The following LANCL2 variants were observed in gnomAD, a reference collection of about 807,000 sequenced individuals.
LANCL2 encodes LanC like glutathione S-transferase 2.
In LANCL2, 33 loss-of-function variants were observed where a neutral mutation model predicts 56.9. The ratio of observed to expected loss-of-function variants is 0.58; its 90% CI spans 0.44 to 0.78. The LOEUF is 0.78. Ranked by LOEUF, LANCL2 falls within the 30% of genes least tolerant of loss-of-function variation. The probability of loss-of-function intolerance (pLI) is 0.00; values close to 1 mark genes in which losing one functional copy is unlikely to be tolerated. For synonymous variants in LANCL2, 233 were observed against 228.2 expected (o/e 1.02, Z -0.19); for missense variants, 562 against 580.2 (o/e 0.97, Z 0.32).
chr7:55,428,189 C>T (rs565468727), intron 7 of LANCL2, 186 bp from the exon 8 acceptor site: 1 of 609,318 alleles, frequency 1.6e-6, no homozygotes. Context: ...GCTGAGGCAG[C>T]CGCAAGCAGA....
chr7:55,430,272 A>G (rs1268353121), intron 8 of LANCL2, among the ~76,000 whole-genome samples: 1 of 152,260 alleles, frequency 6.6e-6, no homozygotes, highest in East Asian at 1.9e-4. Context: ...TGGGTAAACA[A>G]TCTGCAGTGT....
intron 2 of LANCL2, 109 bp downstream of exon 2, chr7:55,392,019 A>T: frequency 3.2e-6 from 2 of 622,536 alleles, no homozygotes; most frequent in Non-Finnish European, 5.7e-6. Context: ...TTGGCCAGGC[A>T]CGGTGGCTGA....
At chr7:55,380,592 T>C (rs1463510478) in intron 1 of LANCL2, among the ~76,000 whole-genome samples, 3 of 152,184 alleles carry the variant, frequency 2.0e-5, no homozygotes, top group Non-Finnish European at 4.4e-5. Context: ...GTTTTTTGTA[T>C]TATGTCCAGA....
At chr7:55,391,014 CTT>C (rs576740411) in intron 1 of LANCL2, among the ~76,000 whole-genome samples, 71 of 113,712 alleles carry the variant, frequency 6.2e-4, no homozygotes, top group Middle Eastern at 9.2e-3. Flanking sequence ...AGTGATTGAA[CTT>C]TTTTTTTTTT....
intron 1 of LANCL2, among the ~76,000 whole-genome samples, chr7:55,372,471 G>A (rs1454659911): frequency 6.6e-6 from 1 of 152,156 alleles, no homozygotes; most frequent in African/African-American, 2.4e-5. Context: ...ATATAACATA[G>A]TTGTAATATA....
At position 55,386,967 on chromosome 7, in the gene LANCL2, C is replaced by G. The variant is rs185609862; in HGVS notation, c.205-4826C>G. 4.6e-5 allele frequency among the ~76,000 whole-genome samples: 7 copies of G among 152,260 alleles called. No homozygotes were observed. In the East Asian group the frequency reaches 1.4e-3, roughly 29 times the overall value. On this transcript the variant is annotated intron_variant, in intron 1 of 8. Transcript: ENST00000254770. ...AAATTCGTAAAGGTAGCAGGCATTA[C>G]TGGGGAGAGATTGTTATGCAATTTG...
intron 1 of LANCL2, among the ~76,000 whole-genome samples, chr7:55,388,316 C>T (rs1483840870): frequency 2.0e-5 from 3 of 152,182 alleles, no homozygotes; most frequent in African/African-American, 7.2e-5. Context: ...GAGGCGGAGG[C>T]AGGTGGATCA....
At chr7:55,399,574 C>T (rs1480840847) in intron 3 of LANCL2, among the ~76,000 whole-genome samples, 1 of 152,124 alleles carries the variant, frequency 6.6e-6, no homozygotes, top group Non-Finnish European at 1.5e-5. Context: ...AACTCCTGAC[C>T]TCAGGTGATC....
At chr7:55,391,179 G>C (rs950542733) in intron 1 of LANCL2, among the ~76,000 whole-genome samples, 1 of 138,220 alleles carries the variant, frequency 7.2e-6, no homozygotes, top group Non-Finnish European at 1.6e-5. Flanking sequence ...ACCACGCCCG[G>C]CTAATTTTTT....
chr7:55,371,369 A>G (rs1007207080), intron 1 of LANCL2, among the ~76,000 whole-genome samples: 1 of 152,148 alleles, frequency 6.6e-6, no homozygotes, highest in African/African-American at 2.4e-5. Flanking sequence ...GACCACAGAC[A>G]GGTACCACCA....
intron 8 of LANCL2, among the ~76,000 whole-genome samples, chr7:55,430,688 A>T (rs1003162999): frequency 6.6e-6 from 1 of 152,226 alleles, no homozygotes; most frequent in African/African-American, 2.4e-5. Context: ...TTGAGTGGGG[A>T]CAGGAGACCT....
chr7:55,418,950 T>TG (rs1478021581), intron 6 of LANCL2, among the ~76,000 whole-genome samples: 1 of 152,186 alleles, frequency 6.6e-6, no homozygotes, highest in Non-Finnish European at 1.5e-5. Context: ...GAGTCAACCT[T>TG]GCATTCCTAG....
chr7:55,425,121 G>T (rs754124086), intron 6 of LANCL2, 133 bp from the exon 7 acceptor site: 17 of 786,466 alleles, frequency 2.2e-5, no homozygotes, highest in African/African-American at 8.7e-5. Flanking sequence ...TTGTTTGTTT[G>T]TCTGTTTTTC....
intron 1 of LANCL2, among the ~76,000 whole-genome samples, chr7:55,366,702 T>C (rs1789877366): frequency 6.6e-6 from 1 of 152,172 alleles, no homozygotes; most frequent in East Asian, 1.9e-4. Flanking sequence ...GAAGCGGGTG[T>C]AAGGGGAGGC....
intron 1 of LANCL2, among the ~76,000 whole-genome samples, chr7:55,387,312 A>G (rs1167048181): frequency 6.6e-6 from 1 of 152,222 alleles, no homozygotes; most frequent in Non-Finnish European, 1.5e-5. Context: ...GATTTAAGTT[A>G]TGTTAGAGGA....
chr7:55,414,783 C>CA (rs1790507843), intron 6 of LANCL2, among the ~76,000 whole-genome samples: 1 of 151,842 alleles, frequency 6.6e-6, no homozygotes, highest in South Asian at 2.1e-4. Flanking sequence ...AGTTGGAGAT[C>CA]AGCCTGGGCA....
intron 1 of LANCL2, among the ~76,000 whole-genome samples, chr7:55,381,438 G>A (rs186097826): frequency 5.3e-5 from 8 of 152,280 alleles, no homozygotes; most frequent in African/African-American, 1.9e-4. Flanking sequence ...TGAACAATGC[G>A]TGTCTGGAAC....
intron 1 of LANCL2, among the ~76,000 whole-genome samples, chr7:55,377,601 CT>C (rs1246331889): frequency 6.6e-6 from 1 of 152,088 alleles, no homozygotes; most frequent in Non-Finnish European, 1.5e-5. Context: ...ATAAATGTGC[CT>C]TGTGTATCAT....
At chr7:55,375,644 A>G (rs955711250) in intron 1 of LANCL2, among the ~76,000 whole-genome samples, 1 of 152,226 alleles carries the variant, frequency 6.6e-6, no homozygotes, top group Non-Finnish European at 1.5e-5. Context: ...CTATTTATTT[A>G]TCATCTTTAA....
Sources: allele counts gnomAD v4.1 joint callset (sites outside exome capture counted in the v4.1 genomes callset), GRCh38; gene constraint gnomAD v4.1.1; transcripts MANE v1.5; gene names NCBI Gene and HGNC (gene_info 2026-07-23, HGNC 2026-07-21).